NHS: variants seen among roughly 807,000 people sequenced by gnomAD.
The protein encoded by NHS is actin remodeling regulator NHS.
Under a neutral mutation model 72.5 loss-of-function variants are expected in NHS, and 5 were observed. That is an observed-to-expected ratio of 0.07 (90% CI 0.04 to 0.14). The LOEUF (loss-of-function observed/expected upper bound fraction) is 0.14. NHS is among the 10% of genes least tolerant of loss of function. The pLI is 1.00. For synonymous variants in NHS, 464 were observed against 547.7 expected, an observed-to-expected ratio of 0.85 and a Z score of 2.13; for missense variants, 1,072 against 1,355.7, an observed-to-expected ratio of 0.79 and a Z score of 3.29.
chrX:17,486,662 G>T (rs2064968720), intron 1 of NHS, among the ~76,000 whole-genome samples: 1 of 111,756 alleles, frequency 8.9e-6, no homozygotes, highest in Admixed American at 9.5e-5. Context: ...AAGTTATATG[G>T]CCAAGCCCAA....
intron 1 of NHS, among the ~76,000 whole-genome samples, chrX:17,442,279 A>G (rs1369521874): frequency 8.9e-6 from 1 of 112,451 alleles, no homozygotes; most frequent in African/African-American, 3.2e-5. Context: ...GCTCTGCTCC[A>G]TGCAGTCATT....
chrX:17,518,787 C>G (rs1477959757), intron 1 of NHS, among the ~76,000 whole-genome samples: 1 of 111,815 alleles, frequency 8.9e-6, no homozygotes, highest in East Asian at 2.8e-4. Context: ...CTGGGTCCTA[C>G]TCTCTGAGAT....
intron 1 of NHS, among the ~76,000 whole-genome samples, chrX:17,405,086 A>T (rs919186370): frequency 8.9e-6 from 1 of 111,988 alleles, no homozygotes; most frequent in Non-Finnish European, 1.9e-5. Context: ...TTATTCGGCA[A>T]TTAGGCCCCT....
At chrX:17,564,243 A>C (rs2065430128) in intron 1 of NHS, among the ~76,000 whole-genome samples, 1 of 111,690 alleles carries the variant, frequency 9.0e-6, no homozygotes, top group African/African-American at 3.3e-5. Context: ...CTTGGTACTC[A>C]TGACATTTAG....
chrX:17,448,422 C>G (rs183733349), intron 1 of NHS, among the ~76,000 whole-genome samples: 3 of 111,981 alleles, frequency 2.7e-5, no homozygotes, highest in Admixed American at 1.9e-4. Context: ...AGTATTTGCT[C>G]TAATGAGAAT....
At chrX:17,566,312 CTT>C (rs1184281511) in intron 1 of NHS, among the ~76,000 whole-genome samples, 1 of 111,542 alleles carries the variant, frequency 9.0e-6, no homozygotes, top group Non-Finnish European at 1.9e-5. Context: ...CTGAACATCT[CTT>C]TTGATCTTCA....
chrX:17,520,035 T>C (rs908980973), intron 1 of NHS, among the ~76,000 whole-genome samples: 7 of 100,324 alleles, frequency 7.0e-5, no homozygotes, highest in Non-Finnish European at 4.0e-5. Flanking sequence ...TTCCAGGAAC[T>C]AGTTCTTGAT....
chrX:17,376,977 G>A (rs2064350290), intron 1 of NHS, among the ~76,000 whole-genome samples: 1 of 112,805 alleles, frequency 8.9e-6, no homozygotes, highest in African/African-American at 3.2e-5. Context: ...CCGCGGGGAG[G>A]GTCAGGGAGA....
intron 1 of NHS, among the ~76,000 whole-genome samples, chrX:17,431,268 A>AT (rs2064693732): frequency 9.0e-6 from 1 of 111,193 alleles, no homozygotes; most frequent in African/African-American, 3.3e-5. Context: ...CAGAACTAGG[A>AT]TTTTTTATTT....
At chrX:17,634,826 C>T (rs7053589) in intron 1 of NHS, among the ~76,000 whole-genome samples, 27,451 of 111,039 alleles carry the variant, frequency 0.25, 6,225 homozygotes, top group African/African-American at 0.71. Context: ...TCGGTGTGTG[C>T]GCAAATATTT....
intron 1 of NHS, among the ~76,000 whole-genome samples, chrX:17,517,098 C>A (rs944514992): frequency 6.2e-5 from 7 of 112,359 alleles, no homozygotes; most frequent in Non-Finnish European, 1.3e-4. Context: ...TTGGTATTGT[C>A]ATCTTTCTTT....
At chrX:17,722,240 T>G (rs1258670551) in intron 5 of NHS, among the ~76,000 whole-genome samples, 2 of 112,176 alleles carry the variant, frequency 1.8e-5, no homozygotes, top group Non-Finnish European at 3.8e-5. Context: ...AATGGAAGCA[T>G]AGCCAGACCT....
At chrX:17,572,935 T>A (rs149241210) in intron 1 of NHS, among the ~76,000 whole-genome samples, 3,071 of 111,653 alleles carry the variant, frequency 0.028, 89 homozygotes, top group Admixed American at 0.074. Flanking sequence ...CCGTCACTTA[T>A]GAAGCTTAGT....
intron 1 of NHS, among the ~76,000 whole-genome samples, chrX:17,518,527 C>T (rs961907098): frequency 9.0e-6 from 1 of 111,649 alleles, no homozygotes; most frequent in African/African-American, 3.3e-5. Context: ...AGCAAGAGCC[C>T]TTGGGACATA....
intron 1 of NHS, among the ~76,000 whole-genome samples, chrX:17,550,107 C>T (rs768332989): frequency 7.2e-5 from 8 of 111,822 alleles, no homozygotes; most frequent in Non-Finnish European, 1.5e-4. Context: ...CCTTCAAAGA[C>T]ACAACTCTCA....
At chrX:17,624,279 G>A (rs189571668) in intron 1 of NHS, among the ~76,000 whole-genome samples, 15 of 112,700 alleles carry the variant, frequency 1.3e-4, no homozygotes, top group African/African-American at 4.5e-4. Flanking sequence ...AGAGCATGGT[G>A]TAAAAACAAT....
At chrX:17,730,365 G>A (rs1388677831) in intron 8 of NHS, among the ~76,000 whole-genome samples, 7 of 112,050 alleles carry the variant, frequency 6.2e-5, no homozygotes, top group Admixed American at 4.7e-4. Flanking sequence ...TATAGCTCAC[G>A]TATTTGATTT....
At chrX:17,595,912 T>C (rs2065622118) in intron 1 of NHS, among the ~76,000 whole-genome samples, 1 of 111,926 alleles carries the variant, frequency 8.9e-6, no homozygotes, top group African/African-American at 3.3e-5. Flanking sequence ...GGTTCTTTAA[T>C]AGCGGAAAAG....
chrX:17,535,023 G>A (rs963787505), intron 1 of NHS, among the ~76,000 whole-genome samples: 2 of 112,274 alleles, frequency 1.8e-5, no homozygotes, highest in Non-Finnish European at 3.8e-5. Flanking sequence ...GCTCTGAGCT[G>A]TGTACTACAG....
Sources: allele counts gnomAD v4.1 joint callset (sites outside exome capture counted in the v4.1 genomes callset), GRCh38; gene constraint gnomAD v4.1.1; transcripts MANE v1.5; gene names NCBI Gene and HGNC (gene_info 2026-07-23, HGNC 2026-07-21).